NRXN3: variants seen among roughly 807,000 people sequenced by gnomAD.
NRXN3 encodes the protein neurexin III.
Under a neutral mutation model 137.6 loss-of-function variants are expected in NRXN3, and 32 were observed. The observed-to-expected ratio is 0.23, with a 90% CI of 0.18 to 0.31. The LOEUF is 0.31. Ranked by LOEUF, NRXN3 falls within the 10% of genes least tolerant of loss-of-function variation. The probability of loss-of-function intolerance (pLI) is 1.00; values close to 1 mark genes in which losing one functional copy is unlikely to be tolerated. For missense variants in NRXN3, 1,574 were observed against 2,062.5 expected, an observed-to-expected ratio of 0.76 and a Z score of 4.59; for synonymous variants, 798 against 784.5, an observed-to-expected ratio of 1.02 and a Z score of -0.29.
At chr14:79,149,007 C>A (rs902360073) in intron 15 of NRXN3, among the ~76,000 whole-genome samples, 2 of 152,030 alleles carry the variant, frequency 1.3e-5, no homozygotes, top group Non-Finnish European at 2.9e-5. Flanking sequence ...TTTTTCCATC[C>A]CCACATTCTC....
chr14:79,437,096 C>A (rs1274805160), intron 15 of NRXN3, among the ~76,000 whole-genome samples: 1 of 152,116 alleles, frequency 6.6e-6, no homozygotes, highest in Non-Finnish European at 1.5e-5. Flanking sequence ...CTCTAGCCTA[C>A]CTCTGTGGAC....
chr14:78,464,188 G>A (rs2095026096), intron 4 of NRXN3, among the ~76,000 whole-genome samples: 1 of 151,920 alleles, frequency 6.6e-6, no homozygotes. Context: ...GAGTAGCTGG[G>A]CCTACAGGCA....
chr14:79,687,121 G>A (rs1213513158), intron 17 of NRXN3, among the ~76,000 whole-genome samples: 1 of 152,182 alleles, frequency 6.6e-6, no homozygotes, highest in Non-Finnish European at 1.5e-5. Context: ...CTGCCCCAAA[G>A]GTGTGTAGTG....
At chr14:78,555,136 G>A (rs114356430) in intron 4 of NRXN3, among the ~76,000 whole-genome samples, 238 of 152,222 alleles carry the variant, frequency 1.6e-3, no homozygotes, top group African/African-American at 5.4e-3. Flanking sequence ...ATGGTTGTGA[G>A]AGTTAATGAG....
chr14:79,603,395 A>G (rs1431071045), intron 16 of NRXN3, among the ~76,000 whole-genome samples: 1 of 152,154 alleles, frequency 6.6e-6, no homozygotes, highest in Admixed American at 6.5e-5. Flanking sequence ...GTCCCTGCAT[A>G]TCTTCTGGCC....
chr14:79,377,248 T>G (rs1205750952), intron 15 of NRXN3, among the ~76,000 whole-genome samples: 1 of 152,192 alleles, frequency 6.6e-6, no homozygotes, highest in Admixed American at 6.5e-5. Flanking sequence ...CAACAATGTT[T>G]CACAGAAGAT....
intron 4 of NRXN3, among the ~76,000 whole-genome samples, chr14:78,482,145 A>T (rs1387802469): frequency 6.6e-6 from 1 of 152,224 alleles, no homozygotes; most frequent in Non-Finnish European, 1.5e-5. Flanking sequence ...TATTTATATC[A>T]GCTGACTACT....
chr14:79,392,787 T>A (rs2094893440), intron 15 of NRXN3, among the ~76,000 whole-genome samples: 1 of 151,628 alleles, frequency 6.6e-6, no homozygotes, highest in Admixed American at 6.6e-5. Flanking sequence ...CTGGCTAACA[T>A]GATGAAACCC....
At chr14:79,560,258 C>T (rs1041638367) in intron 16 of NRXN3, among the ~76,000 whole-genome samples, 2 of 151,884 alleles carry the variant, frequency 1.3e-5, no homozygotes, top group Admixed American at 6.6e-5. Flanking sequence ...TTTCCTCTGG[C>T]CTGGTTCGTC....
At chr14:78,638,196 T>C (rs549950535) in intron 4 of NRXN3, among the ~76,000 whole-genome samples, 20 of 152,326 alleles carry the variant, frequency 1.3e-4, no homozygotes, top group Admixed American at 6.5e-5. Flanking sequence ...TTTATTTCTC[T>C]GCTGCATCTT....
intron 4 of NRXN3, among the ~76,000 whole-genome samples, chr14:78,340,383 C>T (rs969570772): frequency 6.6e-6 from 1 of 152,154 alleles, no homozygotes; most frequent in Non-Finnish European, 1.5e-5. Flanking sequence ...GGAAGTATAT[C>T]AGTTATTTAT....
rs1385508146 is a variant in NRXN3, at chr14:79,424,986, G to A, written c.3263-42235G>A. Among the ~76,000 whole-genome samples the A allele has an allele frequency of 2.0e-5, 3 of 152,236 alleles. No individual in the cohort carries two copies. In the East Asian group the frequency reaches 5.8e-4, roughly 29 times the overall value. The stretch of plus-strand genomic sequence containing the variant: ...TGACTAACTGTTCTTTATTTATAAG[G>A]ATATAGCTTTCATGGGAAAATGTAG... On this transcript the variant is annotated intron_variant, in intron 15 of 20. Transcript: ENST00000335750.
At chr14:79,081,828 C>T (rs1352144919) in intron 15 of NRXN3, among the ~76,000 whole-genome samples, 1 of 151,936 alleles carries the variant, frequency 6.6e-6, no homozygotes, top group Admixed American at 6.6e-5. Context: ...TGTTAAAAAG[C>T]AAGATCTTTA....
At chr14:78,253,062 G>C (rs555466171) in intron 2 of NRXN3, among the ~76,000 whole-genome samples, 20 of 151,466 alleles carry the variant, frequency 1.3e-4, no homozygotes, top group African/African-American at 4.6e-4. Flanking sequence ...GGCTTGAAGG[G>C]CACTGAGCTC....
chr14:79,782,816 G>A (rs923169393), intron 19 of NRXN3, among the ~76,000 whole-genome samples: 1 of 152,130 alleles, frequency 6.6e-6, no homozygotes, highest in African/African-American at 2.4e-5. Flanking sequence ...ATCTGAATTT[G>A]AATTTTTCTG....
chr14:78,391,351 T>C (rs944614932), intron 4 of NRXN3, among the ~76,000 whole-genome samples: 1 of 151,868 alleles, frequency 6.6e-6, no homozygotes, highest in African/African-American at 2.4e-5. Flanking sequence ...AAGGTGTATC[T>C]AAAAGTTCCT....
At chr14:78,366,029 G>A (rs1315074911) in intron 4 of NRXN3, among the ~76,000 whole-genome samples, 2 of 152,154 alleles carry the variant, frequency 1.3e-5, no homozygotes, top group African/African-American at 2.4e-5. Flanking sequence ...CCTAATTGCT[G>A]TGTGATCTTT....
intron 3 of NRXN3, among the ~76,000 whole-genome samples, chr14:78,281,901 G>C (rs973696058): frequency 6.6e-6 from 1 of 152,250 alleles, no homozygotes; most frequent in African/African-American, 2.4e-5. Context: ...TGTGGGCCAG[G>C]CTGTGTCCTA....
intron 16 of NRXN3, among the ~76,000 whole-genome samples, chr14:79,551,391 G>A (rs117405017): frequency 1.3e-5 from 2 of 152,128 alleles, no homozygotes; most frequent in East Asian, 3.9e-4. Context: ...AAATGATTTT[G>A]TCTCCCACTA....
Sources: allele counts gnomAD v4.1 joint callset (sites outside exome capture counted in the v4.1 genomes callset), GRCh38; gene constraint gnomAD v4.1.1; transcripts MANE v1.5; gene names NCBI Gene and HGNC (gene_info 2026-07-23, HGNC 2026-07-21).